HPSE2: variants seen among roughly 807,000 people sequenced by gnomAD.
HPSE2 encodes inactive heparanase-2.
In HPSE2, 38 loss-of-function variants were observed where a neutral mutation model predicts 60.5. The ratio of observed to expected loss-of-function variants is 0.63; its 90% CI spans 0.48 to 0.82. The LOEUF (loss-of-function observed/expected upper bound fraction) is 0.82, where lower values mean the gene tolerates loss of function less well. Among genes scored for constraint, HPSE2 ranks in the 40% least tolerant of loss-of-function variants. The pLI is 0.00. For missense variants in HPSE2, 713 were observed against 740.4 expected, an observed-to-expected ratio of 0.96 and a Z score of 0.43; for synonymous variants, 295 against 293.2, an observed-to-expected ratio of 1.01 and a Z score of -0.06.
chr10:98,951,230 G>A (rs776580455), intron 3 of HPSE2, among the ~76,000 whole-genome samples: 25 of 152,078 alleles, frequency 1.6e-4, no homozygotes, highest in Admixed American at 5.2e-4. Context: ...AAGAAATGCC[G>A]CAGACTTGTC....
chr10:98,849,477 T>G (rs1458233854), intron 3 of HPSE2, among the ~76,000 whole-genome samples: 2 of 152,176 alleles, frequency 1.3e-5, no homozygotes, highest in Non-Finnish European at 2.9e-5. Context: ...TCCTTCTGCT[T>G]ACAAAAGACA....
At chr10:98,724,842 T>C (rs1434063797) in intron 4 of HPSE2, among the ~76,000 whole-genome samples, 2 of 152,096 alleles carry the variant, frequency 1.3e-5, no homozygotes, top group South Asian at 2.1e-4. Flanking sequence ...TATACACCAA[T>C]AACAGACAAA....
chr10:98,570,540 G>A (rs1248738125), intron 9 of HPSE2, among the ~76,000 whole-genome samples: 3 of 151,872 alleles, frequency 2.0e-5, no homozygotes, highest in South Asian at 2.1e-4. Flanking sequence ...TGAGGGGACT[G>A]TATTTTTTCC....
At chr10:99,190,013 G>A (rs891104875) in intron 2 of HPSE2, among the ~76,000 whole-genome samples, 22 of 152,136 alleles carry the variant, frequency 1.4e-4, no homozygotes, top group African/African-American at 5.1e-4. Flanking sequence ...AATCTCCACT[G>A]TCTTTCTCTC....
chr10:98,969,127 T>C (rs1412577329), intron 3 of HPSE2, among the ~76,000 whole-genome samples: 1 of 152,188 alleles, frequency 6.6e-6, no homozygotes, highest in Non-Finnish European at 1.5e-5. Context: ...TGATTATCTG[T>C]AATTTTACAA....
At chr10:99,055,529 A>G (rs1958091710) in intron 3 of HPSE2, among the ~76,000 whole-genome samples, 1 of 152,174 alleles carries the variant, frequency 6.6e-6, no homozygotes, top group South Asian at 2.1e-4. Context: ...ACTGGAGCTG[A>G]TAAAATATTG....
chr10:98,542,325 T>A (rs200114371), intron 9 of HPSE2, among the ~76,000 whole-genome samples: 155 of 135,748 alleles, frequency 1.1e-3, no homozygotes, highest in East Asian at 1.6e-3. Flanking sequence ...AAAACCCATC[T>A]GTACCTCACC....
chr10:99,007,868 T>C (rs1364978412), intron 3 of HPSE2, among the ~76,000 whole-genome samples: 1 of 152,200 alleles, frequency 6.6e-6, no homozygotes, highest in African/African-American at 2.4e-5. Flanking sequence ...CTGTAAGCAG[T>C]GGACCTAAAG....
chr10:99,152,892 G>C (rs559826727), intron 2 of HPSE2, among the ~76,000 whole-genome samples: 1 of 152,220 alleles, frequency 6.6e-6, no homozygotes, highest in Non-Finnish European at 1.5e-5. Context: ...CAGTGGGTGC[G>C]CGCATCGTGC....
At chr10:99,295,408 T>C in the HPSE2 span, among the ~76,000 whole-genome samples, 4 of 152,208 alleles carry the variant, frequency 2.6e-5, no homozygotes, top group Admixed American at 1.3e-4. Flanking sequence ...TTTGGGTTTA[T>C]GAATTATGTA....
intron 3 of HPSE2, among the ~76,000 whole-genome samples, chr10:98,950,211 T>C (rs923713446): frequency 6.6e-6 from 1 of 152,046 alleles, no homozygotes; most frequent in African/African-American, 2.4e-5. Flanking sequence ...CCTAGTAAGG[T>C]TAAAGTCCTA....
intron 3 of HPSE2, among the ~76,000 whole-genome samples, chr10:99,066,420 T>C (rs1169350103): frequency 6.6e-6 from 1 of 152,122 alleles, no homozygotes; most frequent in African/African-American, 2.4e-5. Flanking sequence ...AAATAAAGAT[T>C]AGAGTTGTAT....
chr10:98,493,874 C>T (rs1411385989), intron 9 of HPSE2, among the ~76,000 whole-genome samples: 2 of 152,268 alleles, frequency 1.3e-5, no homozygotes, highest in East Asian at 3.9e-4. Flanking sequence ...TCCTATATCA[C>T]TATCTTCTTT....
intron 3 of HPSE2, among the ~76,000 whole-genome samples, chr10:98,794,962 C>CAAGGGAGGGGAGGGGAGGGGAGGGA: frequency 1.7e-5 from 2 of 119,436 alleles, no homozygotes; most frequent in African/African-American, 6.5e-5. Context: ...TAACCATAGC[C>CAAGGGAGGGGAGGGGAGGGGAGGGA]AAGGGAGGGG....
At chr10:98,762,597 G>A (rs929045856) in intron 3 of HPSE2, among the ~76,000 whole-genome samples, 2 of 151,796 alleles carry the variant, frequency 1.3e-5, no homozygotes, top group Non-Finnish European at 2.9e-5. Context: ...TAATTTCTGA[G>A]TGGTACATGT....
At chr10:99,132,344 G>A (rs1033814022) in intron 3 of HPSE2, among the ~76,000 whole-genome samples, 10 of 151,994 alleles carry the variant, frequency 6.6e-5, no homozygotes, top group African/African-American at 2.4e-4. Context: ...AACTATTGAA[G>A]TAAAATTAAT....
chr10:98,550,956 T>G (rs541168849), intron 9 of HPSE2, among the ~76,000 whole-genome samples: 1 of 152,298 alleles, frequency 6.6e-6, no homozygotes, highest in South Asian at 2.1e-4. Context: ...ACCTGGCTTA[T>G]GGTTGAGCCT....
At chr10:98,852,000 C>A (rs1040194314) in intron 3 of HPSE2, among the ~76,000 whole-genome samples, 1 of 40,400 alleles carries the variant, frequency 2.5e-5, no homozygotes, top group Non-Finnish European at 4.7e-5. Context: ...GAATTCATGT[C>A]AGACTGTTTG....
At chr10:99,105,659 GC>G (rs1425326753) in intron 3 of HPSE2, among the ~76,000 whole-genome samples, 1 of 151,096 alleles carries the variant, frequency 6.6e-6, no homozygotes, top group Non-Finnish European at 1.5e-5. Flanking sequence ...TTTTCTCATG[GC>G]CCTAGCTGTT....
Sources: gnomAD v4.1 joint callset for allele counts (sites outside exome capture counted in the v4.1 genomes callset) on GRCh38, gnomAD v4.1.1 for gene constraint, MANE v1.5 for transcripts, NCBI Gene and HGNC (gene_info 2026-07-23, HGNC 2026-07-21) for gene names.